RXFP1: variants seen among roughly 807,000 people sequenced by gnomAD.
RXFP1 encodes the protein relaxin receptor 1.
Under a neutral mutation model 89.8 loss-of-function variants are expected in RXFP1, and 73 were observed. The observed-to-expected ratio is 0.81, with a 90% CI of 0.67 to 0.99. The LOEUF (loss-of-function observed/expected upper bound fraction) is 0.99. Ranked by LOEUF, RXFP1 falls within the 50% of genes least tolerant of loss-of-function variation. The pLI, the probability that RXFP1 is intolerant of heterozygous loss-of-function variation, is 0.00. For synonymous variants in RXFP1, 277 were observed against 305.5 expected, an observed-to-expected ratio of 0.91 and a Z score of 0.97; for missense variants, 793 against 895.5, an observed-to-expected ratio of 0.89 and a Z score of 1.46.
intron 1 of RXFP1, among the ~76,000 whole-genome samples, chr4:158,559,927 T>A (rs1433351820): frequency 2.0e-5 from 3 of 152,344 alleles, no homozygotes; most frequent in Middle Eastern, 3.4e-3. Context: ...AGTTATAAAA[T>A]GTTTACAAGT....
At chr4:158,622,343 A>G (rs1378646743) in intron 9 of RXFP1, among the ~76,000 whole-genome samples, 1 of 152,130 alleles carries the variant, frequency 6.6e-6, no homozygotes, top group Non-Finnish European at 1.5e-5. Flanking sequence ...TAGAACTACC[A>G]TATGATCCAG....
intron 1 of RXFP1, among the ~76,000 whole-genome samples, chr4:158,540,207 G>A (rs4691511): frequency 0.96 from 146,036 of 152,230 alleles, 70,303 homozygotes; most frequent in East Asian, 1. Context: ...TGGCTACTCC[G>A]TAGGCAGAGC....
At chr4:158,633,228 T>A (rs1461855750) in intron 11 of RXFP1, among the ~76,000 whole-genome samples, 177 bp from the exon 12 acceptor site, 1 of 152,190 alleles carries the variant, frequency 6.6e-6, no homozygotes. Context: ...TGAAATGGAA[T>A]AAAATATTTT....
chr4:158,575,183 G>A (rs1408213334), intron 2 of RXFP1, among the ~76,000 whole-genome samples: 1 of 152,158 alleles, frequency 6.6e-6, no homozygotes, highest in Non-Finnish European at 1.5e-5. Context: ...AGCAAAAGTA[G>A]CAATCCTTAC....
chr4:158,641,377 A>G (rs1471844964), intron 14 of RXFP1, among the ~76,000 whole-genome samples: 2 of 152,046 alleles, frequency 1.3e-5, no homozygotes, highest in East Asian at 3.9e-4. Flanking sequence ...AGGTCCCACC[A>G]TAACTTCTCA....
chr4:158,527,564 A>AATAAATATATAT (rs1553989425), intron 1 of RXFP1, among the ~76,000 whole-genome samples: 1 of 98,338 alleles, frequency 1.0e-5, no homozygotes, highest in Non-Finnish European at 2.0e-5. Context: ...AAAAAAAAAA[A>AATAAATATATAT]ATATATATAT....
intron 4 of RXFP1, 89 bp downstream of exon 4, chr4:158,599,520 T>C (rs191807587): frequency 2.0e-6 from 2 of 1,019,842 alleles, no homozygotes; most frequent in East Asian, 2.6e-5. Context: ...ATTCATAATA[T>C]ATTTTTATTC....
rs76514798 is a variant in RXFP1 at position 158,599,096 on chromosome 4, C to A, written c.287-230C>A. 1,319 of 505,214 alleles carry A rather than the reference C, an allele frequency of 2.6e-3. 15 individuals are homozygous for A. The highest frequency in any genetic ancestry group is 0.023 in the African/African-American group (1,195 of 52,004). 31.3% of individuals were successfully genotyped at this position (505,214 alleles called of 1,614,324 possible). On this transcript the variant is annotated intron_variant, in intron 3 of 17. Coordinates refer to ENST00000307765, the MANE Select transcript of RXFP1 (RefSeq NM_021634.4). Reference sequence around the variant, plus strand: ...ACAGTCTGCTTTTTTTAAAAAAATACATGAGCTAGTGTGTGTTTCCAAATG... The same window carrying A: ...ACAGTCTGCTTTTTTTAAAAAAATAAATGAGCTAGTGTGTGTTTCCAAATG...
chr4:158,643,266 A>C (rs1770739355), intron 14 of RXFP1, among the ~76,000 whole-genome samples: 1 of 152,074 alleles, frequency 6.6e-6, no homozygotes, highest in African/African-American at 2.4e-5. Flanking sequence ...GCTCTTTGTT[A>C]GAAAAGAAAT....
chr4:158,526,854 G>A (rs1451532260), intron 1 of RXFP1, among the ~76,000 whole-genome samples: 2 of 152,022 alleles, frequency 1.3e-5, no homozygotes, highest in African/African-American at 4.8e-5. Flanking sequence ...GCTGGTCTAG[G>A]CCACCTGGAG....
intron 9 of RXFP1, among the ~76,000 whole-genome samples, chr4:158,621,287 G>T (rs1050251117): frequency 2.0e-5 from 3 of 152,186 alleles, no homozygotes; most frequent in Non-Finnish European, 4.4e-5. Flanking sequence ...ACTCCAGCCT[G>T]GGCAACAGAG....
At chr4:158,584,104 G>A (rs1579822234) in intron 2 of RXFP1, among the ~76,000 whole-genome samples, 2 of 152,258 alleles carry the variant, frequency 1.3e-5, no homozygotes, top group African/African-American at 4.8e-5. Context: ...CGAAGAATGA[G>A]TACTGAAAGT....
chr4:158,527,564 A>AAAAATATATATATATATATATAT (rs5741905), intron 1 of RXFP1, among the ~76,000 whole-genome samples: 3 of 98,338 alleles, frequency 3.1e-5, no homozygotes, highest in African/African-American at 7.0e-5. Flanking sequence ...AAAAAAAAAA[A>AAAAATATATATATATATATATAT]ATATATATAT....
chr4:158,622,131 T>G (rs1765738898), intron 9 of RXFP1, among the ~76,000 whole-genome samples: 1 of 152,068 alleles, frequency 6.6e-6, no homozygotes, highest in African/African-American at 2.4e-5. Context: ...GCCAACATGA[T>G]GAAACCCCAT....
chr4:158,604,794 T>A (rs527845813), intron 4 of RXFP1, among the ~76,000 whole-genome samples: 4 of 152,296 alleles, frequency 2.6e-5, no homozygotes, highest in African/African-American at 9.6e-5. Flanking sequence ...AAGAAAAACA[T>A]AACTGAAAAT....
intron 14 of RXFP1, among the ~76,000 whole-genome samples, chr4:158,640,252 C>A (rs890490885): frequency 6.6e-6 from 1 of 152,200 alleles, no homozygotes; most frequent in Non-Finnish European, 1.5e-5. Context: ...TTCTCCTCAG[C>A]TCTAATAACT....
At chr4:158,557,736 T>C (rs1751611340) in intron 1 of RXFP1, among the ~76,000 whole-genome samples, 1 of 152,256 alleles carries the variant, frequency 6.6e-6, no homozygotes, top group African/African-American at 2.4e-5. Context: ...TAATTTTAAG[T>C]ATCACTAAAA....
intron 8 of RXFP1, among the ~76,000 whole-genome samples, chr4:158,614,734 T>G (rs1178128227): frequency 6.6e-6 from 1 of 152,196 alleles, no homozygotes; most frequent in Non-Finnish European, 1.5e-5. Context: ...ATTTGTGTGT[T>G]CATTGGAGTA....
At chr4:158,550,527 C>G (rs1301363010) in intron 1 of RXFP1, among the ~76,000 whole-genome samples, 5 of 152,192 alleles carry the variant, frequency 3.3e-5, no homozygotes, top group Non-Finnish European at 7.3e-5. Flanking sequence ...CAGAAATCAC[C>G]CATCTTCTGC....
Sources: allele counts gnomAD v4.1 joint callset (sites outside exome capture counted in the v4.1 genomes callset), GRCh38; gene constraint gnomAD v4.1.1; transcripts MANE v1.5; gene names NCBI Gene and HGNC (gene_info 2026-07-23, HGNC 2026-07-21).